CACNA1B: variants seen among roughly 807,000 people sequenced by gnomAD.
The protein encoded by CACNA1B is calcium voltage-gated channel subunit alpha1 B, also known as voltage-dependent N-type calcium channel subunit alpha-1B.
CACNA1B carries 70 observed loss-of-function variants against 247.2 expected under a neutral mutation model. The observed-to-expected ratio is 0.28, with a 90% CI of 0.23 to 0.35. CACNA1B has a LOEUF of 0.35. Among genes scored for constraint, CACNA1B ranks in the 10% least tolerant of loss-of-function variants. CACNA1B has a pLI of 1.00. For synonymous variants in CACNA1B, 1,231 were observed against 1,294.4 expected, an observed-to-expected ratio of 0.95 and a Z score of 1.05; for missense variants, 2,367 against 3,197.4, an observed-to-expected ratio of 0.74 and a Z score of 6.26.
At chr9:137,943,637 G>A (rs1421018868) in intron 6 of CACNA1B, among the ~76,000 whole-genome samples, 2 of 152,158 alleles carry the variant, frequency 1.3e-5, no homozygotes, top group Non-Finnish European at 2.9e-5. Flanking sequence ...AGTATATTTG[G>A]AAGAAGGGGT....
intron 6 of CACNA1B, among the ~76,000 whole-genome samples, chr9:137,928,844 C>T (rs1192605110): frequency 6.6e-6 from 1 of 152,126 alleles, no homozygotes; most frequent in East Asian, 1.9e-4. Flanking sequence ...GTAGATTTGT[C>T]TATTCCAGAC....
rs566370563 is a variant in CACNA1B at position 138,055,624 on chromosome 9, G to T, written c.3968+1618G>T. Among the ~76,000 whole-genome samples the T allele has an allele frequency of 5.3e-4, 80 of 152,222 alleles. 2 individuals are homozygous for T. The South Asian group carries it at 0.016, about 31-fold the overall frequency. On this transcript the variant is annotated intron_variant, in intron 26 of 46. Coordinates refer to ENST00000371372, the MANE Select transcript of CACNA1B (RefSeq NM_000718.4). ...AGTTGATTTTTATGTGTTACATAAGGTATGGGTTAAGATACGTTTTCTGAC... is the reference window on the plus strand; with the variant it reads ...AGTTGATTTTTATGTGTTACATAAGTTATGGGTTAAGATACGTTTTCTGAC...
At chr9:138,106,569 A>C (rs545595862) in intron 39 of CACNA1B, among the ~76,000 whole-genome samples, 1 of 152,322 alleles carries the variant, frequency 6.6e-6, no homozygotes. Context: ...GGAGATGGAC[A>C]CCATCCTGGC....
chr9:138,085,000 T>A (rs1960648901), intron 36 of CACNA1B, among the ~76,000 whole-genome samples: 1 of 146,368 alleles, frequency 6.8e-6, no homozygotes, highest in African/African-American at 2.5e-5. Context: ...CCAAGGAACA[T>A]AACTCTTTAG....
At chr9:138,119,949 G>A (rs1052978021) in intron 44 of CACNA1B, among the ~76,000 whole-genome samples, 1 of 152,148 alleles carries the variant, frequency 6.6e-6, no homozygotes, top group African/African-American at 2.4e-5. Flanking sequence ...CTCTCTTCCT[G>A]GCACGACACA....
chr9:138,070,600 A>G (rs1456667210), intron 32 of CACNA1B, among the ~76,000 whole-genome samples: 2 of 152,256 alleles, frequency 1.3e-5, no homozygotes, highest in African/African-American at 4.8e-5. Flanking sequence ...GTAAAAGTGA[A>G]TGTTTGTGAT....
In CACNA1B at chr9:138,074,069, G is replaced by T; in HGVS notation, c.4857+3G>T. 6.2e-7 allele frequency: 1 copy of T among 1,610,982 alleles called. No individual in the cohort carries two copies. The stretch of plus-strand genomic sequence containing the variant: ...TCTACGCCATCATCGGCATGCAGGT[G>T]GGTGCTCCCCTTTGGGACAGAGCGT... On this transcript the variant is annotated splice_donor_region_variant and intron_variant, in intron 34 of 46. Transcript: ENST00000371372.
At chr9:137,910,060 C>T (rs774076399) in intron 3 of CACNA1B, among the ~76,000 whole-genome samples, 11 of 152,078 alleles carry the variant, frequency 7.2e-5, no homozygotes, top group Non-Finnish European at 1.2e-4. Context: ...TGTGAGCCAC[C>T]GCGCCTGGCC....
rs775975860 is a variant in CACNA1B at position 138,072,172 on chromosome 9, G to A, written c.4675-1316G>A. 1.1e-4 allele frequency among the ~76,000 whole-genome samples: 17 copies of A among 152,162 alleles called. No individual in the cohort carries two copies. Among genetic ancestry groups the A allele is most frequent in the Non-Finnish European group, 1.6e-4 (11 of 68,022 alleles). On this transcript the variant is annotated intron_variant, in intron 32 of 46. Transcript: ENST00000371372. This position sits in a 1 kb window ranked among gnomAD's most constrained non-coding sequence, Gnocchi z 4.5. ...ATCATAGCCCGTCCTTGTGCCCACT[G>A]GCCATGGATATCATTCAAAACCAGT...
chr9:138,028,208 A>C (rs1231675610), intron 20 of CACNA1B, among the ~76,000 whole-genome samples: 1 of 151,678 alleles, frequency 6.6e-6, no homozygotes, highest in Admixed American at 6.6e-5. Context: ...TTTTTAGTAG[A>C]GATAGGGTTT....
intron 9 of CACNA1B, 55 bp downstream of exon 9, chr9:137,956,882 G>C: frequency 2.1e-6 from 3 of 1,442,630 alleles, no homozygotes; most frequent in East Asian, 2.3e-5. Context: ...TGGCCACGTG[G>C]GTGGTGACAC....
chr9:137,883,106 C>G, intron 3 of CACNA1B: 1 of 565,518 alleles, frequency 1.8e-6, no homozygotes, highest in Admixed American at 3.0e-5. Context: ...TGACGGATCA[C>G]AGTGACCTGT....
At chr9:137,933,369 G>A (rs892776055) in intron 6 of CACNA1B, among the ~76,000 whole-genome samples, 1 of 152,138 alleles carries the variant, frequency 6.6e-6, no homozygotes, top group Non-Finnish European at 1.5e-5. Flanking sequence ...ACTTTTCAAG[G>A]TTCCAAGGAC....
At chr9:137,985,842 G>C (rs1170887729) in intron 13 of CACNA1B, among the ~76,000 whole-genome samples, 1 of 152,234 alleles carries the variant, frequency 6.6e-6, no homozygotes, top group African/African-American at 2.4e-5. Context: ...GGGAAGCGTT[G>C]AGGGATACCA....
intron 42 of CACNA1B, 69 bp downstream of exon 42, chr9:138,115,748 A>T: frequency 6.7e-7 from 1 of 1,489,196 alleles, no homozygotes; most frequent in South Asian, 1.3e-5. Flanking sequence ...GGAAGCAGAC[A>T]TCCCATTTCC....
At chr9:137,981,169 A>T (rs1958289429) in intron 12 of CACNA1B, among the ~76,000 whole-genome samples, 1 of 152,132 alleles carries the variant, frequency 6.6e-6, no homozygotes, top group African/African-American at 2.4e-5. Context: ...TGACTTTTTA[A>T]TAATAGCCAT....
intron 3 of CACNA1B, among the ~76,000 whole-genome samples, chr9:137,885,001 C>T (rs1312405610): frequency 1.6e-5 from 2 of 124,788 alleles, no homozygotes; most frequent in Non-Finnish European, 3.3e-5. Context: ...CCCTTTGTCT[C>T]CTCTCCACGC....
chr9:138,057,036 C>T lies in CACNA1B; in HGVS notation c.3969-696C>T, dbSNP rs1959530776. Among the ~76,000 whole-genome samples the T allele has an allele frequency of 6.7e-6, 1 of 148,446 alleles. No individual in the cohort carries two copies. Among genetic ancestry groups the T allele is most frequent in the African/African-American group, 2.5e-5 (1 of 40,134 alleles). ...CTGCAGGCTCCACCTCCCGGGTTCA[C>T]GCCATTCTCCTGCCTCAGCCTCCCG... On this transcript the variant is annotated intron_variant, in intron 26 of 46. Coordinates refer to ENST00000371372, the MANE Select transcript of CACNA1B (RefSeq NM_000718.4). The surrounding 1 kb of genome is among the most constrained non-coding windows in gnomAD (Gnocchi z 4.0).
chr9:138,106,970 A>G (rs1460719707), intron 39 of CACNA1B, among the ~76,000 whole-genome samples: 1 of 152,038 alleles, frequency 6.6e-6, no homozygotes, highest in East Asian at 1.9e-4. Flanking sequence ...TGGGCTGTCC[A>G]TGGCCGTTTC....
Sources: gnomAD v4.1 joint callset for allele counts (sites outside exome capture counted in the v4.1 genomes callset) on GRCh38, gnomAD v4.1.1 for gene constraint, Gnocchi (gnomAD v3.1) non-coding constraint, MANE v1.5 for transcripts, NCBI Gene and HGNC (gene_info 2026-07-23, HGNC 2026-07-21) for gene names.